The following SLC5A12 variants were observed in gnomAD, a reference collection of about 807,000 sequenced individuals.
The protein encoded by SLC5A12 is sodium-coupled monocarboxylate transporter 2.
SLC5A12 carries 46 observed loss-of-function variants against 72.7 expected under a neutral mutation model. The observed-to-expected ratio is 0.63, with a 90% confidence interval of 0.50 to 0.81. SLC5A12 has a LOEUF of 0.81. SLC5A12 is among the 30% of genes least tolerant of loss of function. The pLI, the probability that SLC5A12 is intolerant of heterozygous loss-of-function variation, is 0.00. For missense variants in SLC5A12, 683 were observed against 740.7 expected (o/e 0.92, Z 0.90); for synonymous variants, 275 against 264.4 (o/e 1.04, Z -0.39).
intron 13 of SLC5A12, among the ~76,000 whole-genome samples, chr11:26,678,331 T>A (rs918815518): frequency 6.6e-6 from 1 of 152,144 alleles, no homozygotes; most frequent in African/African-American, 2.4e-5. Context: ...CATCTTTTTT[T>A]AAATAATATA....
intron 12 of SLC5A12, among the ~76,000 whole-genome samples, chr11:26,680,086 G>A (rs1425090355): frequency 1.3e-5 from 2 of 151,524 alleles, no homozygotes; most frequent in Admixed American, 6.6e-5. Flanking sequence ...CACATTATCT[G>A]GCCAGTTTGA....
rs1051075828 is a variant in SLC5A12, at chr11:26,709,242, T to C, written c.525+70A>G. On this transcript the variant is annotated intron_variant, in intron 4 of 14. Transcript: ENST00000396005. ...GAATTCTGCTATAATTAGATGCCTA[T>C]TGCTGGAGATTTGCCCTTATCCCAT... The C allele has an allele frequency of 1.3e-5, 15 of 1,127,668 alleles. No homozygotes were observed. In the Admixed American group the frequency reaches 2.2e-4, roughly 16 times the overall value. 69.9% of individuals were successfully genotyped at this position (1,127,668 alleles called of 1,614,324 possible).
In SLC5A12 at chr11:26,673,539, A is replaced by G; in HGVS notation, c.1580-10T>C. ...TCACCTCTTTGGCGACCTATTAACA[A>G]AAGAACAAATAGATTAGATGGTTGC... On this transcript the variant is annotated splice_polypyrimidine_tract_variant and intron_variant, in intron 13 of 14. Transcript: ENST00000396005. 1 of 1,598,298 alleles carries G rather than the reference A, an allele frequency of 6.3e-7. No individual in the cohort carries two copies. The highest frequency in any genetic ancestry group is 8.5e-7 in the Non-Finnish European group (1 of 1,173,372).
intron 1 of SLC5A12, 117 bp downstream of exon 1, chr11:26,721,259 T>G (rs984361381): frequency 1.3e-6 from 1 of 783,968 alleles, no homozygotes; most frequent in Non-Finnish European, 2.0e-6. Flanking sequence ...AACATTTTAA[T>G]GTCTTTCTCA....
At position 26,703,675 on chromosome 11, in the gene SLC5A12, T is replaced by A. The variant is rs1855016949; in HGVS notation, c.681-4A>T. ...CCTGAGAGGATCTACATCAAAGCTA[T>A]GAGACAGAGAGAAATGAGTGAACAA... On this transcript the variant is annotated splice_polypyrimidine_tract_variant and splice_region_variant and intron_variant, in intron 5 of 14. Coordinates refer to ENST00000396005, the MANE Select transcript of SLC5A12 (RefSeq NM_178498.4). 2 of 1,613,678 alleles carry A rather than the reference T, an allele frequency of 1.2e-6. No homozygotes were observed. The highest frequency in any genetic ancestry group is 1.3e-5 in the African/African-American group (1 of 74,994).
At chr11:26,682,262 A>G (rs183219690) in intron 11 of SLC5A12, among the ~76,000 whole-genome samples, 1 of 152,174 alleles carries the variant, frequency 6.6e-6, no homozygotes, top group East Asian at 1.9e-4. Context: ...TTTTTTCCCA[A>G]CCATTTAAAA....
intron 10 of SLC5A12, among the ~76,000 whole-genome samples, chr11:26,685,648 A>G (rs1854514234): frequency 6.6e-6 from 1 of 151,844 alleles, no homozygotes; most frequent in Non-Finnish European, 1.5e-5. Flanking sequence ...ACCCACAAAG[A>G]CACAACGGGA....
Position 26,721,584 on chromosome 11 carries a change from C to T in SLC5A12, c.131G>A (p.Gly44Glu). The T allele has an allele frequency of 6.2e-7, 1 of 1,614,092 alleles. No individual in the cohort carries two copies. Among genetic ancestry groups the T allele is most frequent in the Non-Finnish European group, 8.5e-7 (1 of 1,180,008 alleles). Reference sequence around the variant, plus strand: ...AGGGCCAAAGCTCATTTGCCTTCCCCCAACCAGGAACTCTCGGGAAGTTGC... The same window carrying T: ...AGGGCCAAAGCTCATTTGCCTTCCCTCAACCAGGAACTCTCGGGAAGTTGC... ...KKATSREFLV[G>E]GRQMSFGPVG... Residue 44 changes from glycine to glutamate, a missense_variant, in exon 1 of 15, where the codon GGG becomes GAG. By Grantham distance (98) the Gly-to-Glu change is moderately conservative (BLOSUM62 -2). Transcript: ENST00000396005.
At chr11:26,683,893 G>T in intron 10 of SLC5A12, 50 bp from the exon 11 acceptor site, 1 of 1,441,502 alleles carries the variant, frequency 6.9e-7, no homozygotes, top group Non-Finnish European at 9.6e-7. Context: ...GGGCATCTGT[G>T]ACTTCCTGGC....
At chr11:26,680,042 C>T (rs17309349) in intron 12 of SLC5A12, among the ~76,000 whole-genome samples, 3,981 of 151,562 alleles carry the variant, frequency 0.026, 92 homozygotes, top group South Asian at 0.095. Flanking sequence ...GAAGATATGC[C>T]GGACCGAGAG....
At chr11:26,703,761 T>C (rs1472161739) in intron 5 of SLC5A12, 32 bp downstream of exon 5, 2 of 1,612,954 alleles carry the variant, frequency 1.2e-6, no homozygotes, top group Non-Finnish European at 1.7e-6. Context: ...GCTAAGTCTT[T>C]GTAAAGTATG....
Position 26,692,520 on chromosome 11 carries a change from G to A in SLC5A12, c.1122C>T (p.Asp374=). ...FVKSCFPHLS[D]KLSTWISKGL... Reference sequence around the variant, plus strand: ...CTTTACTGATCCAGGTGCTCAGCTTGTCGGAGAGATGAGGAAAACAGCTCT... The same window carrying A: ...CTTTACTGATCCAGGTGCTCAGCTTATCGGAGAGATGAGGAAAACAGCTCT... Residue 374 remains aspartate (D), a synonymous_variant, in exon 9 of 15, where the codon GAC becomes GAT. Transcript: ENST00000396005. 1 of 1,613,858 alleles carries A rather than the reference G, an allele frequency of 6.2e-7. No individual in the cohort carries two copies. Among genetic ancestry groups the A allele is most frequent in the African/African-American group, 1.3e-5 (1 of 75,054 alleles).
chr11:26,706,383 C>T (rs1360695821), intron 4 of SLC5A12, among the ~76,000 whole-genome samples: 2 of 151,966 alleles, frequency 1.3e-5, no homozygotes, highest in Admixed American at 1.3e-4. Context: ...ATTAATCTGA[C>T]AGAGGTATGC....
intron 9 of SLC5A12, among the ~76,000 whole-genome samples, chr11:26,690,692 C>T (rs1854649182): frequency 6.8e-6 from 1 of 146,616 alleles, no homozygotes; most frequent in Non-Finnish European, 1.5e-5. Flanking sequence ...GTGGCACATG[C>T]TTGTAATCCC....
chr11:26,711,238 C>T, intron 3 of SLC5A12, 69 bp downstream of exon 3: 1 of 1,285,148 alleles, frequency 7.8e-7, no homozygotes, highest in Non-Finnish European at 1.1e-6. Context: ...TATTTTATTT[C>T]TAATTCTGCA....
intron 9 of SLC5A12, among the ~76,000 whole-genome samples, chr11:26,691,022 AAAGCTGGG>A (rs145893088): frequency 0.054 from 8,172 of 152,034 alleles, 717 homozygotes; most frequent in African/African-American, 0.19. Flanking sequence ...TAAAAACAAT[AAAGCTGGG>A]AAGCTGGGAG....
intron 1 of SLC5A12, among the ~76,000 whole-genome samples, chr11:26,713,824 T>C (rs1344257370): frequency 6.6e-6 from 1 of 152,114 alleles, no homozygotes; most frequent in Non-Finnish European, 1.5e-5. Flanking sequence ...AAAATCAAAG[T>C]GTGAGCAGGA....
At chr11:26,694,586 T>G (rs774654180) in intron 8 of SLC5A12, among the ~76,000 whole-genome samples, 4 of 152,068 alleles carry the variant, frequency 2.6e-5, no homozygotes, top group Non-Finnish European at 4.4e-5. Context: ...TGATGCAAAA[T>G]TCTAAAAACA....
rs1008069432 is a variant in SLC5A12 at position 26,686,496 on chromosome 11, A to G, written c.1202T>C (p.Val401Ala). 8 of 1,613,914 alleles carry G rather than the reference A, an allele frequency of 5.0e-6. No homozygotes were observed. In the African/African-American group the frequency reaches 1.1e-4, roughly 22 times the overall value. ...CGTTACCTGCACAACACCTCCCATG[A>G]CAGATGCAGCCACAGCCATAGAGGT... The part of the protein sequence containing the change: ...MCTSMAVAAS[V>A]MGGVVQASLS... The change falls in exon 10 of 15, where the codon GTC (valine) becomes GCC (alanine). Residue 401 changes from valine (V) to alanine (A), a missense_variant. By Grantham distance (64) the Val-to-Ala change is moderately conservative (BLOSUM62 0). Coordinates refer to ENST00000396005, the MANE Select transcript of SLC5A12 (RefSeq NM_178498.4).
Sources: allele counts gnomAD v4.1 joint callset (sites outside exome capture counted in the v4.1 genomes callset), GRCh38; gene constraint gnomAD v4.1.1; transcripts MANE v1.5; gene names NCBI Gene and HGNC (gene_info 2026-07-23, HGNC 2026-07-21).